Variants in HHAT observed in about 807,000 individuals in gnomAD.
The protein encoded by HHAT is protein-cysteine N-palmitoyltransferase HHAT.
In HHAT, 47 loss-of-function variants were observed where a neutral mutation model predicts 70.8. That is an observed-to-expected ratio of 0.66 (90% CI 0.53 to 0.85). The LOEUF (loss-of-function observed/expected upper bound fraction) is 0.85, where lower values mean the gene tolerates loss of function less well. HHAT is among the 40% of genes least tolerant of loss of function. HHAT has a pLI of 0.00. For synonymous variants in HHAT, 228 were observed against 247.6 expected (o/e 0.92, Z 0.74); for missense variants, 609 against 604.8 (o/e 1.01, Z -0.07).
At chr1:210,394,504 G>A (rs996389489) in intron 4 of HHAT, among the ~76,000 whole-genome samples, 16 of 152,098 alleles carry the variant, frequency 1.1e-4, no homozygotes, top group African/African-American at 3.9e-4. Flanking sequence ...TACCACCTGA[G>A]ACATTGTGTT....
At chr1:210,387,621 C>A (rs371842179) in intron 4 of HHAT, 40 bp downstream of exon 4, 3 of 1,499,704 alleles carry the variant, frequency 2.0e-6, no homozygotes, top group Non-Finnish European at 2.8e-6. Flanking sequence ...GTGTGTTTTT[C>A]CTTTGCTTCT....
chr1:210,544,815 G>T (rs1445638010), intron 9 of HHAT, among the ~76,000 whole-genome samples: 1 of 152,132 alleles, frequency 6.6e-6, no homozygotes, highest in Non-Finnish European at 1.5e-5. Flanking sequence ...TTCAGTAGTT[G>T]TTATGTCAGT....
intron 1 of HHAT, among the ~76,000 whole-genome samples, chr1:210,336,201 C>T (rs1187022713): frequency 1.3e-5 from 2 of 151,744 alleles, no homozygotes; most frequent in African/African-American, 2.4e-5. Context: ...CTCACTGCAA[C>T]CTCCCTGACC....
intron 9 of HHAT, among the ~76,000 whole-genome samples, chr1:210,518,705 A>G (rs2095102422): frequency 6.6e-6 from 1 of 152,132 alleles, no homozygotes; most frequent in East Asian, 1.9e-4. Flanking sequence ...AGGCATGAGA[A>G]TCTTTTGAAC....
intron 11 of HHAT, among the ~76,000 whole-genome samples, chr1:210,662,939 C>T (rs1157514785): frequency 6.6e-6 from 1 of 152,076 alleles, no homozygotes; most frequent in Non-Finnish European, 1.5e-5. Context: ...GCACTCAGCT[C>T]CTAGCAAGGA....
At chr1:210,634,673 TTC>T (rs1671528534) in intron 11 of HHAT, among the ~76,000 whole-genome samples, 1 of 152,240 alleles carries the variant, frequency 6.6e-6, no homozygotes, top group African/African-American at 2.4e-5. Context: ...CTTGTTGTTT[TTC>T]TGTTTGTGTT....
intron 8 of HHAT, among the ~76,000 whole-genome samples, chr1:210,483,892 C>T (rs1456384498): frequency 6.6e-6 from 1 of 152,034 alleles, no homozygotes; most frequent in Non-Finnish European, 1.5e-5. Flanking sequence ...CGATTTTTGC[C>T]ACAGAGCAAA....
chr1:210,329,308 C>A, intron 1 of HHAT: 2 of 1,219,424 alleles, frequency 1.6e-6, no homozygotes, highest in Non-Finnish European at 2.0e-6. Context: ...GCAGTGCGCC[C>A]GGGCAAAGGC....
chr1:210,387,429 T>C (rs762013148), intron 3 of HHAT, 39 bp from the exon 4 acceptor site: 2 of 1,525,140 alleles, frequency 1.3e-6, no homozygotes, highest in South Asian at 2.2e-5. Flanking sequence ...CTCAGACGTG[T>C]ACTGAAATCC....
intron 4 of HHAT, among the ~76,000 whole-genome samples, chr1:210,397,653 G>C (rs994737718): frequency 1.3e-5 from 2 of 151,964 alleles, no homozygotes; most frequent in Non-Finnish European, 2.9e-5. Flanking sequence ...AGAGAAAAAA[G>C]GTTGATAAAT....
chr1:210,523,625 C>T (rs936558281), intron 9 of HHAT, among the ~76,000 whole-genome samples: 1 of 152,148 alleles, frequency 6.6e-6, no homozygotes, highest in Non-Finnish European at 1.5e-5. Flanking sequence ...CGCGCGCACA[C>T]GTGCGCATGT....
chr1:210,374,317 TA>T lies in HHAT; in HGVS notation c.159+11399del, dbSNP rs1374275833. ...TTGTTGCAGTAACCGCAACTCCTAG[TA>T]CGCCGATGGTGCCTACAGTTCGCAC... On this transcript the variant is annotated intron_variant, in intron 3 of 11. Coordinates refer to ENST00000261458, the MANE Select transcript of HHAT (RefSeq NM_018194.6). 30 of 152,364 alleles carry T rather than the reference TA, an allele frequency of 2.0e-4. No individual in the cohort carries two copies. The East Asian group carries it at 4.8e-3, about 24-fold the overall frequency. The allele number at this position is 152,364 out of a possible 1,614,324, so 9.4% of individuals were successfully genotyped here.
At chr1:210,344,004 C>T (rs1340042250) in intron 1 of HHAT, among the ~76,000 whole-genome samples, 1 of 152,126 alleles carries the variant, frequency 6.6e-6, no homozygotes, top group Non-Finnish European at 1.5e-5. Flanking sequence ...TCTGGGAGGC[C>T]GTTATCTACC....
chr1:210,549,790 T>C (rs1391018320), intron 9 of HHAT, among the ~76,000 whole-genome samples: 1 of 148,422 alleles, frequency 6.7e-6, no homozygotes, highest in Non-Finnish European at 1.5e-5. Context: ...AGCCCGGGAG[T>C]TTAAGGCCAG....
intron 1 of HHAT, chr1:210,329,327 A>G: frequency 4.9e-6 from 6 of 1,212,636 alleles, no homozygotes; most frequent in Non-Finnish European, 6.1e-6. Flanking sequence ...GCGGGGATCT[A>G]GGCGCCGGGA....
At chr1:210,530,171 A>G (rs372818151) in intron 9 of HHAT, among the ~76,000 whole-genome samples, 108 of 152,300 alleles carry the variant, frequency 7.1e-4, no homozygotes, top group African/African-American at 2.2e-3. Context: ...GATTTATGGG[A>G]AAAATAGAGT....
intron 9 of HHAT, among the ~76,000 whole-genome samples, chr1:210,540,539 TAA>T (rs2095419822): frequency 2.7e-5 from 4 of 149,300 alleles, no homozygotes; most frequent in African/African-American, 4.9e-5. Context: ...TCTCTCTCTC[TAA>T]CTCACCCTCA....
At chr1:210,585,970 C>G (rs1268396438) in intron 9 of HHAT, among the ~76,000 whole-genome samples, 1 of 152,120 alleles carries the variant, frequency 6.6e-6, no homozygotes, top group Non-Finnish European at 1.5e-5. Flanking sequence ...ACTGACTTAG[C>G]AGGATTCTTG....
chr1:210,672,089 A>T (rs1680205732), intron 11 of HHAT, among the ~76,000 whole-genome samples: 1 of 152,196 alleles, frequency 6.6e-6, no homozygotes, highest in Non-Finnish European at 1.5e-5. Flanking sequence ...CCATCCTTAT[A>T]AGGACACTAT....
Sources: allele counts gnomAD v4.1 joint callset (sites outside exome capture counted in the v4.1 genomes callset), GRCh38; gene constraint gnomAD v4.1.1; transcripts MANE v1.5; gene names NCBI Gene and HGNC (gene_info 2026-07-23, HGNC 2026-07-21).